The following COL5A3 variants were observed in gnomAD, a reference collection of about 807,000 sequenced individuals.
COL5A3 encodes the protein collagen alpha-3(V) chain.
COL5A3 carries 172 observed loss-of-function variants against 250.0 expected under a neutral mutation model. That is an observed-to-expected ratio of 0.69 (90% CI 0.61 to 0.78). The LOEUF (loss-of-function observed/expected upper bound fraction) is 0.78. Ranked by LOEUF, COL5A3 falls within the 30% of genes least tolerant of loss-of-function variation. COL5A3 has a pLI of 0.00. For synonymous variants in COL5A3, 937 were observed against 900.4 expected (o/e 1.04, Z -0.73); for missense variants, 2,340 against 2,334.4 (o/e 1.00, Z -0.05).
Position 9,977,442 on chromosome 19 carries a change from TGCCAGTGGG to T in COL5A3, c.3148_3156del (p.Pro1050_Gly1052del). 6.6e-7 allele frequency: 1 copy of T among 1,522,372 alleles called. No individual in the cohort carries two copies. Among genetic ancestry groups the T allele is most frequent in the Non-Finnish European group, 8.8e-7 (1 of 1,136,970 alleles). The allele number at this position is 1,522,372 out of a possible 1,614,324, so 94.3% of individuals were successfully genotyped here. ...CCCAGGGGCCCTGGGATCCCATCTT[TGCCAGTGGG>T]GCCAGGGGGGCCACGTTCTCCCTGT... is the stretch of plus-strand genomic sequence containing the variant. On this transcript the variant is annotated inframe_deletion, in exon 43 of 67. Transcript: ENST00000264828.
intron 39 of COL5A3, 28 bp downstream of exon 39, chr19:9,979,104 C>T: frequency 6.6e-7 from 1 of 1,521,904 alleles, no homozygotes; most frequent in South Asian, 1.3e-5. Flanking sequence ...GGATGTTCAA[C>T]CAAGATCTCC....
At chr19:9,993,508 G>A in intron 18 of COL5A3, 75 bp from the exon 19 acceptor site, 1 of 1,580,488 alleles carries the variant, frequency 6.3e-7, no homozygotes, top group Non-Finnish European at 8.7e-7. Flanking sequence ...AAGGCAGATG[G>A]GGTGTGAGGA....
chr19:9,987,178 A>G (rs1168823975), intron 27 of COL5A3, among the ~76,000 whole-genome samples: 1 of 152,190 alleles, frequency 6.6e-6, no homozygotes, highest in Non-Finnish European at 1.5e-5. Flanking sequence ...GCTTAGTTCA[A>G]GTCTGGATGC....
At chr19:9,962,111 C>CTT (rs200363567) in intron 65 of COL5A3, among the ~76,000 whole-genome samples, 1 of 142,076 alleles carries the variant, frequency 7.0e-6, no homozygotes, top group South Asian at 2.3e-4. Flanking sequence ...CTTAATAATG[C>CTT]TTTTTTTTTT....
At position 9,967,828 on chromosome 19, in the gene COL5A3, G is replaced by A. The variant is rs959218163; in HGVS notation, c.4404+76C>T. 5.7e-6 allele frequency: 8 copies of A among 1,403,096 alleles called. No individual in the cohort carries two copies. The African/African-American group carries it at 8.6e-5, about 15-fold the overall frequency. The allele number at this position is 1,403,096 out of a possible 1,614,324, so 86.9% of individuals were successfully genotyped here. On this transcript the variant is annotated intron_variant, in intron 61 of 66. Transcript: ENST00000264828. ...GAATAAATAAATAAATGAAGGCAGA[G>A]ACGTGGAGGGTTCTGGTGCAGTGAA...
intron 16 of COL5A3, among the ~76,000 whole-genome samples, chr19:9,994,651 A>G (rs2087245081): frequency 1.4e-5 from 2 of 142,014 alleles, no homozygotes; most frequent in South Asian, 2.3e-4. Context: ...TGAGAAATGC[A>G]TCAGTGGGCA....
At position 9,969,594 on chromosome 19, in the gene COL5A3, C is replaced by T. The variant is rs749719442; in HGVS notation, c.4079G>A (p.Arg1360Gln). Reference protein sequence around the residue: ...PPGRVGPEGLRGIPGPVGEPG... With the variant: ...PPGRVGPEGLQGIPGPVGEPG... ...ACTCACCACAGGGCCAGGGATCCCT[C>T]GAAGACCCTCAGGCCCCACACGTCC... Residue 1360 changes from arginine to glutamine, a missense_variant, in exon 56 of 67, where the codon CGA (arginine) becomes CAA (glutamine). By Grantham distance (43) the Arg-to-Gln change is conservative. Transcript: ENST00000264828. 3 of 1,610,016 alleles carry T rather than the reference C, an allele frequency of 1.9e-6. No individual in the cohort carries two copies. The highest frequency in any genetic ancestry group is 2.5e-6 in the Non-Finnish European group (3 of 1,178,868).
chr19:10,004,264 C>T, intron 4 of COL5A3, 119 bp from the exon 5 acceptor site: 2 of 687,252 alleles, frequency 2.9e-6, no homozygotes, highest in Admixed American at 4.4e-5. Flanking sequence ...TGCTCCCCCA[C>T]CCAGAGCATG....
At chr19:9,962,624 C>T (rs990600390) in intron 65 of COL5A3, among the ~76,000 whole-genome samples, 195 bp downstream of exon 65, 1 of 152,128 alleles carries the variant, frequency 6.6e-6, no homozygotes, top group African/African-American at 2.4e-5. Flanking sequence ...TATCCTGGCA[C>T]CATCATTCTG....
chr19:9,994,581 TATATATATATATATATATATATATATG>T (rs2087243189), intron 16 of COL5A3, among the ~76,000 whole-genome samples: 1 of 79,914 alleles, frequency 1.3e-5, no homozygotes, highest in African/African-American at 8.8e-5. Context: ...TATATATATA[TATATATATATATATATATATATATATG>T]GTCACATGTC....
At chr19:9,969,520 GCAGA>G (rs1325098737) in intron 56 of COL5A3, 51 bp downstream of exon 56, 78 of 1,595,966 alleles carry the variant, frequency 4.9e-5, no homozygotes, top group South Asian at 1.3e-4. Context: ...CAAGCTGGGA[GCAGA>G]CAGAGAGGAG....
chr19:9,995,924 G>A (rs1179174883), intron 15 of COL5A3, 142 bp downstream of exon 15: 9 of 886,928 alleles, frequency 1.0e-5, no homozygotes, highest in Non-Finnish European at 1.4e-5. Flanking sequence ...GATTCCAGAT[G>A]TGAGCCACCA....
In COL5A3 at chr19:9,979,829, G is replaced by T; in HGVS notation, c.2712+10C>A. The T allele has an allele frequency of 6.3e-7, 1 of 1,583,756 alleles. No homozygotes were observed. Among genetic ancestry groups the T allele is most frequent in the African/African-American group, 1.4e-5 (1 of 72,692 alleles). On this transcript the variant is annotated intron_variant, in intron 37 of 66. Transcript: ENST00000264828. The stretch of plus-strand genomic sequence containing the variant: ...AAGGATCAGGAATCAAAGGTTGAGG[G>T]GTTACTCACCAGTTCTCCTCTCTGT...
At chr19:9,973,088 T>C in intron 50 of COL5A3, 62 bp from the exon 51 acceptor site, 2 of 1,445,044 alleles carry the variant, frequency 1.4e-6, no homozygotes, top group Admixed American at 2.2e-5. Flanking sequence ...AGGATTAGCA[T>C]ACTTGGATTC....
At position 9,980,109 on chromosome 19, in the gene COL5A3, C is replaced by T. The variant is rs552885711; in HGVS notation, c.2605-62G>A. The T allele has an allele frequency of 3.5e-5, 52 of 1,466,550 alleles. No homozygotes were observed. The African/African-American group carries it at 6.8e-4, about 19-fold the overall frequency. The allele number at this position is 1,466,550 out of a possible 1,614,324, so 90.8% of individuals were successfully genotyped here. A position where few individuals can be genotyped will look rare whatever the true frequency, so the allele number is the denominator to read the frequency against. ...TGCCTCCCTGCCCACTCCCTGAGCC[C>T]CACATAATGACAACAGGATCGAGCA... is the stretch of plus-strand genomic sequence containing the variant. On this transcript the variant is annotated intron_variant, in intron 35 of 66. Transcript: ENST00000264828.
At position 9,986,330 on chromosome 19, in the gene COL5A3, G is replaced by A. The variant is rs758530085; in HGVS notation, c.2337C>T (p.Gly779=). ...AGQAGEEGPP[G]SAGEKGKLGV... is the part of the protein sequence containing the mutation. ...AGTCATTTACCTTCTCCCCAGCTGA[G>A]CCTGGGGGCCCCTCCTCGCCAGCCT... The change falls in exon 30 of 67, where the codon GGC becomes GGT. Residue 779 remains glycine (G), a synonymous_variant. Transcript: ENST00000264828. 20 of 1,578,562 alleles carry A rather than the reference G, an allele frequency of 1.3e-5. No individual in the cohort carries two copies. Among genetic ancestry groups the A allele is most frequent in the Non-Finnish European group, 1.7e-5 (20 of 1,169,332 alleles).
chr19:9,966,170 T>C (rs2086742197), intron 64 of COL5A3, 144 bp downstream of exon 64: 1 of 664,820 alleles, frequency 1.5e-6, no homozygotes, highest in South Asian at 2.0e-5. Flanking sequence ...TAGTCCCAGC[T>C]CTTGAGGCAG....
Position 9,980,802 on chromosome 19 carries a change from A to G in COL5A3, c.2559+4T>C, listed in dbSNP as rs1177570887. 1 of 1,612,896 alleles carries G rather than the reference A, an allele frequency of 6.2e-7. No individual in the cohort carries two copies. The highest frequency in any genetic ancestry group is 8.5e-7 in the Non-Finnish European group (1 of 1,179,502). On this transcript the variant is annotated splice_donor_region_variant and intron_variant, in intron 34 of 66. Transcript: ENST00000264828. ...GGGGCCTTGATTGCCCACCCATCCC[A>G]TACCTTGGGGCCTGGTTGCCCTGTG... is the stretch of plus-strand genomic sequence containing the variant.
Position 9,983,578 on chromosome 19 carries a change from AAGAAAGAAAGAAAGAAAGAAAGAGAAAG to A in COL5A3, c.2407-1488_2407-1461del, listed in dbSNP as rs1568418683. Among the ~76,000 whole-genome samples, 313 of 84,046 alleles carry A rather than the reference AAGAAAGAAAGAAAGAAAGAAAGAGAAAG, an allele frequency of 3.7e-3. 16 individuals are homozygous for A. In the East Asian group the frequency reaches 0.077, roughly 21 times the overall value. The allele number at this position is 84,046 out of a possible 152,430, so 55.1% of individuals were successfully genotyped here. ...AAAGAAAGAAAGAAAGAAAGAAAGAAAGAAAGAAAGAAAGAAAGAAAGAGAAAGAGAGAGAGAGAGAAAGAAAGAAAGA... is the reference window on the plus strand; with the variant it reads ...AAAGAAAGAAAGAAAGAAAGAAAGAAAGAGAGAGAGAGAAAGAAAGAAAGA... On this transcript the variant is annotated intron_variant, in intron 31 of 66. Coordinates refer to ENST00000264828, the MANE Select transcript of COL5A3 (RefSeq NM_015719.4).
Sources: allele counts gnomAD v4.1 joint callset (sites outside exome capture counted in the v4.1 genomes callset), GRCh38; gene constraint gnomAD v4.1.1; transcripts MANE v1.5; gene names NCBI Gene and HGNC (gene_info 2026-07-23, HGNC 2026-07-21).